CFAP97D2: variants seen among roughly 807,000 people sequenced by gnomAD.
The protein encoded by CFAP97D2 is uncharacterized protein CFAP97D2.
chr13:114,222,871 G>C (rs552183305), downstream of CFAP97D2: 66 of 240,918 alleles, frequency 2.7e-4, no homozygotes, highest in Middle Eastern at 5.0e-3. This position sits in a 1 kb window ranked among gnomAD's most constrained non-coding sequence, Gnocchi z 4.4. Flanking sequence ...CTGATAACTG[G>C]AAACAAACTA....
rs1263234953 is a variant in CFAP97D2, at chr13:114,179,669, G to C, written c.90+249G>C. On this transcript the variant is annotated intron_variant, in intron 1 of 4. Transcript: ENST00000646158. The surrounding 1 kb of genome is among the most constrained non-coding windows in gnomAD (Gnocchi z 4.8). ...GACAGCTTTCATGTGCCATGTTTTA[G>C]GGCCATCCTATTTCTAATCACAGCA... Among the ~76,000 whole-genome samples the C allele has an allele frequency of 6.6e-6, 1 of 150,976 alleles. No homozygotes were observed. The highest frequency in any genetic ancestry group is 2.4e-5 in the African/African-American group (1 of 40,986).
chr13:114,197,280 TA>T (rs140385354), intron 2 of CFAP97D2, among the ~76,000 whole-genome samples: 1,736 of 152,342 alleles, frequency 0.011, 94 homozygotes, highest in Admixed American at 0.08. Flanking sequence ...AATAGTTATA[TA>T]TTTTTTAAAC....
intron 1 of CFAP97D2, among the ~76,000 whole-genome samples, chr13:114,182,079 C>A (rs192186745): frequency 6.6e-6 from 1 of 151,844 alleles, no homozygotes; most frequent in African/African-American, 2.4e-5. Context: ...CTCTGAGTTC[C>A]CTCAGTTTTT....
chr13:114,206,419 T>C (rs2080940677), intron 3 of CFAP97D2, among the ~76,000 whole-genome samples: 1 of 152,168 alleles, frequency 6.6e-6, no homozygotes, highest in Admixed American at 6.5e-5. Flanking sequence ...TTTTTTTAAA[T>C]AAATGTTTCT....
chr13:114,189,061 A>G lies in CFAP97D2; in HGVS notation c.91-7335A>G, dbSNP rs1413321167. Among the ~76,000 whole-genome samples the G allele has an allele frequency of 6.7e-6, 1 of 148,748 alleles. No individual in the cohort carries two copies. Among genetic ancestry groups the G allele is most frequent in the African/African-American group, 2.4e-5 (1 of 40,926 alleles). ...CTTATATTACTAGTATATATGTAAT[A>G]ATATAACTATAATAACTATGTTATA... On this transcript the variant is annotated intron_variant, in intron 1 of 4. Coordinates refer to ENST00000646158, the Ensembl canonical transcript of CFAP97D2. The surrounding 1 kb of genome is among the most constrained non-coding windows in gnomAD (Gnocchi z 4.5).
In CFAP97D2 at chr13:114,187,804, C is replaced by G. The variant is rs2080856836; in HGVS notation, c.90+8384C>G. ...GCAACAGGATAATACTCATTCTTCT[C>G]AAGCTCACATGGAATATTCACCAAG... On this transcript the variant is annotated intron_variant, in intron 1 of 4. Coordinates refer to ENST00000646158, the Ensembl canonical transcript of CFAP97D2. This position sits in a 1 kb window ranked among gnomAD's most constrained non-coding sequence, Gnocchi z 4.2. 6.6e-6 allele frequency among the ~76,000 whole-genome samples: 1 copy of G among 152,202 alleles called. No homozygotes were observed. Among genetic ancestry groups the G allele is most frequent in the Non-Finnish European group, 1.5e-5 (1 of 68,032 alleles).
intron 3 of CFAP97D2, among the ~76,000 whole-genome samples, chr13:114,208,974 ACCCC>A (rs2080954114): frequency 6.6e-6 from 1 of 152,092 alleles, no homozygotes; most frequent in African/African-American, 2.4e-5. Context: ...ATTAAATAGG[ACCCC>A]TTTGGTTTTT....
chr13:114,188,271 C>CAAA (rs35727895), intron 1 of CFAP97D2, among the ~76,000 whole-genome samples: 3 of 84,582 alleles, frequency 3.5e-5, no homozygotes, highest in Admixed American at 3.3e-4. Flanking sequence ...GACCCTGTCT[C>CAAA]AAAAAAAAAA....
intron 2 of CFAP97D2, among the ~76,000 whole-genome samples, chr13:114,197,145 TC>T (rs1298217905): frequency 2.0e-5 from 3 of 152,134 alleles, no homozygotes; most frequent in African/African-American, 7.2e-5. Context: ...AAGTAAATTC[TC>T]TCCTGGATCA....
intron 3 of CFAP97D2, among the ~76,000 whole-genome samples, chr13:114,200,958 T>C (rs2080915400): frequency 6.6e-6 from 1 of 152,186 alleles, no homozygotes; most frequent in Non-Finnish European, 1.5e-5. Flanking sequence ...CCAGCATCTT[T>C]CTGGAAAAAA....
intron 3 of CFAP97D2, among the ~76,000 whole-genome samples, chr13:114,210,723 C>T (rs1243944965): frequency 6.6e-6 from 1 of 152,196 alleles, no homozygotes; most frequent in East Asian, 1.9e-4. Flanking sequence ...GATGGTTCCA[C>T]CCAAATGTTC....
At chr13:114,181,993 A>G (rs56156154) in intron 1 of CFAP97D2, among the ~76,000 whole-genome samples, 4,147 of 152,258 alleles carry the variant, frequency 0.027, 76 homozygotes, top group Non-Finnish European at 0.044. Flanking sequence ...TAAGACACAG[A>G]GACAAAGTAT....
intron 1 of CFAP97D2, among the ~76,000 whole-genome samples, chr13:114,181,762 T>C (rs1460049907): frequency 6.6e-6 from 1 of 152,138 alleles, no homozygotes; most frequent in East Asian, 1.9e-4. Flanking sequence ...AAAAGACCTG[T>C]GGGAGAACAG....
intron 4 of CFAP97D2, among the ~76,000 whole-genome samples, chr13:114,213,337 C>T (rs1232126820): frequency 6.6e-6 from 1 of 150,750 alleles, no homozygotes; most frequent in Non-Finnish European, 1.5e-5. Flanking sequence ...AGACCCCACC[C>T]CTGTGGAAGC....
At chr13:114,184,375 A>G (rs1473044828) in intron 1 of CFAP97D2, among the ~76,000 whole-genome samples, 1 of 152,248 alleles carries the variant, frequency 6.6e-6, no homozygotes, top group African/African-American at 2.4e-5. Context: ...ACCAAGCCAC[A>G]GATCCAAGAG....
chr13:114,199,102 C>G (rs9562087), intron 2 of CFAP97D2, among the ~76,000 whole-genome samples: 42 of 26,904 alleles, frequency 1.6e-3, no homozygotes, highest in African/African-American at 9.0e-3. Flanking sequence ...CCCGCTGAGG[C>G]GTGACGGCGC....
chr13:114,192,708 G>A (rs183203839), intron 1 of CFAP97D2, among the ~76,000 whole-genome samples: 137 of 152,164 alleles, frequency 9.0e-4, no homozygotes, highest in African/African-American at 3.0e-3. Context: ...ATATCAATAT[G>A]AAGACAAAAA....
chr13:114,182,303 C>T (rs1423250324), intron 1 of CFAP97D2, among the ~76,000 whole-genome samples: 1 of 152,188 alleles, frequency 6.6e-6, no homozygotes, highest in Non-Finnish European at 1.5e-5. Flanking sequence ...GGCAGCATTA[C>T]TGCAAACATG....
chr13:114,182,401 CA>C (rs1159780503), intron 1 of CFAP97D2, among the ~76,000 whole-genome samples: 26 of 152,058 alleles, frequency 1.7e-4, no homozygotes, highest in African/African-American at 5.3e-4. Context: ...ATTCAGTTCC[CA>C]GGGGCAGGCA....
Sources: gnomAD v4.1 joint callset for allele counts (sites outside exome capture counted in the v4.1 genomes callset) on GRCh38, gnomAD v4.1.1 for gene constraint, Gnocchi (gnomAD v3.1) non-coding constraint, MANE v1.5 for transcripts, NCBI Gene and HGNC (gene_info 2026-07-23, HGNC 2026-07-21) for gene names.